BID: variants seen among roughly 807,000 people sequenced by gnomAD.
BID encodes BH3-interacting domain death agonist.
A neutral mutation model predicts 17.4 loss-of-function variants in BID; 19 were observed. The observed-to-expected ratio is 1.09, with a 90% CI of 0.76 to 1.60. The LOEUF is 1.60. BID is among the 40% of genes most tolerant of loss of function. The probability of loss-of-function intolerance (pLI) is 0.00; values close to 1 mark genes in which losing one functional copy is unlikely to be tolerated. For synonymous variants in BID, 108 were observed against 102.8 expected (o/e 1.05, Z -0.31); for missense variants, 226 against 256.0 (o/e 0.88, Z 0.80).
At chr22:17,758,627 G>T (rs538415886) in intron 1 of BID, among the ~76,000 whole-genome samples, 1 of 152,176 alleles carries the variant, frequency 6.6e-6, no homozygotes, top group African/African-American at 2.4e-5. Context: ...AAGACACTAC[G>T]CTGGGCGAAC....
At chr22:17,750,217 C>G in intron 1 of BID, 43 bp from the exon 2 acceptor site, 2 of 1,562,610 alleles carry the variant, frequency 1.3e-6, no homozygotes, top group East Asian at 4.6e-5. Context: ...CCTGGGAAGC[C>G]CTGGTCAGGA....
intron 1 of BID, among the ~76,000 whole-genome samples, chr22:17,751,855 C>T (rs1010962588): frequency 1.3e-5 from 2 of 152,210 alleles, no homozygotes; most frequent in African/African-American, 4.8e-5. Context: ...GGGCCATCTG[C>T]CGGCTCCACA....
intron 1 of BID, among the ~76,000 whole-genome samples, chr22:17,760,671 C>G (rs969779704): frequency 6.6e-6 from 1 of 152,084 alleles, no homozygotes; most frequent in African/African-American, 2.4e-5. Context: ...CTTCCAGCCT[C>G]ACGAAGCCCT....
At chr22:17,761,860 T>C (rs1008951760) in intron 1 of BID, among the ~76,000 whole-genome samples, 15 of 152,202 alleles carry the variant, frequency 9.9e-5, no homozygotes, top group South Asian at 2.1e-4. Flanking sequence ...GGTACCATGA[T>C]GATAAAAGGC....
intron 1 of BID, among the ~76,000 whole-genome samples, chr22:17,766,028 A>G (rs1053903548): frequency 1.3e-4 from 20 of 152,300 alleles, no homozygotes; most frequent in African/African-American, 4.6e-4. Context: ...TCCCGGGCTC[A>G]GGCGATCCTC....
At chr22:17,752,960 CAG>C (rs1491306892) in intron 1 of BID, among the ~76,000 whole-genome samples, 3 of 130,044 alleles carry the variant, frequency 2.3e-5, no homozygotes, top group Non-Finnish European at 3.2e-5. Context: ...CCACCGCGCC[CAG>C]TCTTTTTTTT....
At chr22:17,737,879 G>T in intron 5 of BID, 138 bp downstream of exon 5, 1 of 913,008 alleles carries the variant, frequency 1.1e-6, no homozygotes, top group Non-Finnish European at 1.7e-6. Context: ...GCTCACAACA[G>T]CAAAACCAAA....
At chr22:17,756,398 CT>C (rs879799914) in intron 1 of BID, among the ~76,000 whole-genome samples, 74,524 of 134,684 alleles carry the variant, frequency 0.55, 22,698 homozygotes, top group East Asian at 0.81. Context: ...CTCTTTCTTT[CT>C]TTTCTTTTTT....
chr22:17,757,635 G>A (rs2061602769), intron 1 of BID, among the ~76,000 whole-genome samples: 1 of 151,634 alleles, frequency 6.6e-6, no homozygotes, highest in South Asian at 2.1e-4. Flanking sequence ...AGTGAACCCG[G>A]GAGGCGGAGC....
At chr22:17,751,110 C>T (rs980357137) in intron 1 of BID, among the ~76,000 whole-genome samples, 4 of 151,898 alleles carry the variant, frequency 2.6e-5, no homozygotes, top group East Asian at 3.9e-4. Flanking sequence ...CGGTGGCTCA[C>T]GCCTGTAATC....
chr22:17,760,960 C>T (rs2061633742), intron 1 of BID, among the ~76,000 whole-genome samples: 1 of 152,180 alleles, frequency 6.6e-6, no homozygotes, highest in Non-Finnish European at 1.5e-5. Context: ...ACGGGGCCTC[C>T]CGCCAAGCCC....
At chr22:17,745,243 G>A (rs190042020) in intron 2 of BID, among the ~76,000 whole-genome samples, 1 of 151,970 alleles carries the variant, frequency 6.6e-6, no homozygotes, top group Non-Finnish European at 1.5e-5. Flanking sequence ...TAGAGACGAG[G>A]TTTCACCATG....
At chr22:17,772,755 C>A (rs1179397672) in intron 1 of BID, among the ~76,000 whole-genome samples, 2 of 152,152 alleles carry the variant, frequency 1.3e-5, no homozygotes, top group Admixed American at 6.5e-5. Flanking sequence ...TCAGCATCCT[C>A]ACGTCAGCCG....
At chr22:17,747,179 G>A (rs1276709375) in intron 2 of BID, among the ~76,000 whole-genome samples, 2 of 152,202 alleles carry the variant, frequency 1.3e-5, no homozygotes, top group Non-Finnish European at 2.9e-5. Flanking sequence ...GTGTGGACAG[G>A]CTCCTGTCTG....
At position 17,769,655 on chromosome 22, in the gene BID, T is replaced by C. The variant is rs570657612; in HGVS notation, c.-59+4726A>G. ...TTGTTAAGGCAATTTTATCTTCTCATAGCATGCCTGCCTCAGTTCCGCAGC... is the reference window on the plus strand; with the variant it reads ...TTGTTAAGGCAATTTTATCTTCTCACAGCATGCCTGCCTCAGTTCCGCAGC... On this transcript the variant is annotated intron_variant, in intron 1 of 5. Transcript: ENST00000622694. The surrounding 1 kb of genome is among the most constrained non-coding windows in gnomAD (Gnocchi z 4.8). Among the ~76,000 whole-genome samples, 3 of 152,290 alleles carry C rather than the reference T, an allele frequency of 2.0e-5. No homozygotes were observed. In the South Asian group the frequency reaches 6.2e-4, roughly 32 times the overall value.
Position 17,773,438 on chromosome 22 carries a change from C to T in BID, c.-59+943G>A, listed in dbSNP as rs2061735193. On this transcript the variant is annotated intron_variant, in intron 1 of 5. Transcript: ENST00000622694. The surrounding 1 kb of genome is among the most constrained non-coding windows in gnomAD (Gnocchi z 4.4). Reference sequence around the variant, plus strand: ...TGGAAAAACCGCATCCTCTGCAGCTCCCCCACAGTGAGAGCGAGGACTGAG... The same window carrying T: ...TGGAAAAACCGCATCCTCTGCAGCTTCCCCACAGTGAGAGCGAGGACTGAG... Among the ~76,000 whole-genome samples the T allele has an allele frequency of 6.6e-6, 1 of 152,170 alleles. No individual in the cohort carries two copies. The highest frequency in any genetic ancestry group is 6.5e-5 in the Admixed American group (1 of 15,286).
intron 5 of BID, 112 bp downstream of exon 5, chr22:17,737,905 C>T: frequency 8.7e-7 from 1 of 1,155,530 alleles, no homozygotes; most frequent in Non-Finnish European, 1.3e-6. Context: ...GCAGGACAGC[C>T]TGTAACCCTT....
Position 17,735,339 on chromosome 22 carries a change from G to GAAAA in BID, c.*240_*241insTTTT. 1 of 522,046 alleles carries GAAAA rather than the reference G, an allele frequency of 1.9e-6. No individual in the cohort carries two copies. The highest frequency in any genetic ancestry group is 3.4e-6 in the Non-Finnish European group (1 of 294,484). 32.3% of individuals were successfully genotyped at this position (522,046 alleles called of 1,614,324 possible). On this transcript the variant is annotated 3_prime_UTR_variant, in exon 6 of 6. Coordinates refer to ENST00000622694, the MANE Select transcript of BID (RefSeq NM_001196.4). ...TTTACAGATGTGCAGATTCATGTGTGGATGATATGAAGGCCATTCAAATAC... is the reference window on the plus strand; with the variant it reads ...TTTACAGATGTGCAGATTCATGTGTGAAAAGATGATATGAAGGCCATTCAAATAC...
intron 1 of BID, among the ~76,000 whole-genome samples, chr22:17,757,228 A>G (rs1296380599): frequency 6.6e-6 from 1 of 151,532 alleles, no homozygotes; most frequent in African/African-American, 2.4e-5. Flanking sequence ...CAGCCTAGGC[A>G]ATCTGGTGAA....
Sources: allele counts gnomAD v4.1 joint callset (sites outside exome capture counted in the v4.1 genomes callset), GRCh38; gene constraint gnomAD v4.1.1; non-coding constraint Gnocchi (gnomAD v3.1); transcripts MANE v1.5; gene names NCBI Gene and HGNC (gene_info 2026-07-23, HGNC 2026-07-21).